The following CCNA1 variants were observed in gnomAD, a reference collection of about 807,000 sequenced individuals.
CCNA1 encodes the protein cyclin-A1.
Under a neutral mutation model 54.1 loss-of-function variants are expected in CCNA1, and 23 were observed. The ratio of observed to expected loss-of-function variants is 0.42; its 90% CI spans 0.31 to 0.60. The LOEUF (loss-of-function observed/expected upper bound fraction) is 0.60. Ranked by LOEUF, CCNA1 falls within the 20% of genes least tolerant of loss-of-function variation. CCNA1 has a pLI of 0.14. For missense variants in CCNA1, 450 were observed against 556.7 expected (o/e 0.81, Z 1.93); for synonymous variants, 208 against 213.9 (o/e 0.97, Z 0.24).
Position 36,440,100 on chromosome 13 carries a change from C to G in CCNA1, c.1015C>G (p.Leu339Val). The G allele has an allele frequency of 6.2e-7, 1 of 1,614,052 alleles. No homozygotes were observed. The highest frequency in any genetic ancestry group is 8.5e-7 in the Non-Finnish European group (1 of 1,179,938). Residue 339 changes from leucine (L) to valine (V), a missense_variant, in exon 6 of 9, where the codon CTG (leucine) becomes GTG (valine). Leu to Val is a conservative substitution (Grantham distance 32). Around this residue, in one of 6 missense-constraint regions of CCNA1, gnomAD observed 150 missense variants for 219.7 expected, o/e 0.68. Transcript: ENST00000255465. The stretch of plus-strand genomic sequence containing the variant: ...GCTTCTGAAAGTTCTAGCTTTTGAT[C>G]TGACAGTACCAACCACCAACCAGTT...
At chr13:36,432,760 G>T (rs1202821405) in intron 1 of CCNA1, 31 bp downstream of exon 1, 1 of 1,394,216 alleles carries the variant, frequency 7.2e-7, no homozygotes, top group Non-Finnish European at 1.0e-6. Context: ...CGACTTGGAG[G>T]CTTGTCAGAA....
At chr13:36,434,476 A>G (rs1414214725) in intron 2 of CCNA1, among the ~76,000 whole-genome samples, 1 of 152,090 alleles carries the variant, frequency 6.6e-6, no homozygotes, top group Non-Finnish European at 1.5e-5. Context: ...TTGCTTTTTA[A>G]AACTTAACGC....
In CCNA1 at chr13:36,437,631, G is replaced by A; in HGVS notation, c.300G>A (p.Gly100=). 6.2e-7 allele frequency: 1 copy of A among 1,613,588 alleles called. No individual in the cohort carries two copies. The highest frequency in any genetic ancestry group is 8.5e-7 in the Non-Finnish European group (1 of 1,179,842). The change falls in exon 3 of 9, where the codon GGG becomes GGA. Residue 100 remains glycine (G), a splice_region_variant and synonymous_variant. Transcript: ENST00000255465. ...CAAAAGATTTAAACGTTTTTTAGGG[G>A]ATCACAAGAATCAGGTGTTATTCTG...
chr13:36,433,423 TTTCTTTCTTTCTTTCTTTCG>T lies in CCNA1; in HGVS notation c.297+221_297+240del, dbSNP rs1159375217. 2.0e-3 allele frequency among the ~76,000 whole-genome samples: 242 copies of T among 121,292 alleles called. 8 individuals are homozygous for T. Among genetic ancestry groups the T allele is most frequent in the South Asian group, 5.3e-3 (21 of 3,970 alleles). The allele number at this position is 121,292 out of a possible 152,430, so 79.6% of individuals were successfully genotyped here. On this transcript the variant is annotated intron_variant, in intron 2 of 8. Transcript: ENST00000255465. ...CTTTCTTTCTTTCTTTCTTTCTTTC[TTTCTTTCTTTCTTTCTTTCG>T]TTCTTTCTTTCTTTCTTTTCTTTCT...
rs1442697911 is a variant in CCNA1, at chr13:36,436,581, T to G, written c.298-1048T>G. Among the ~76,000 whole-genome samples, 5 of 152,294 alleles carry G rather than the reference T, an allele frequency of 3.3e-5. No homozygotes were observed. In the East Asian group the frequency reaches 9.6e-4, roughly 29 times the overall value. The stretch of plus-strand genomic sequence containing the variant: ...GTATCTATGTAGCAAGAGTCAAACC[T>G]GGCAGTAACTTGGAGCTGTGGTTGT... On this transcript the variant is annotated intron_variant, in intron 2 of 8. Coordinates refer to ENST00000255465, the MANE Select transcript of CCNA1 (RefSeq NM_003914.4).
intron 2 of CCNA1, among the ~76,000 whole-genome samples, chr13:36,436,707 A>G (rs2055809706): frequency 6.6e-6 from 1 of 152,304 alleles, no homozygotes; most frequent in South Asian, 2.1e-4. Flanking sequence ...TACTACCATA[A>G]GTGTTCGTTT....
intron 6 of CCNA1, 72 bp downstream of exon 6, chr13:36,440,255 C>T: frequency 7.8e-7 from 1 of 1,283,250 alleles, no homozygotes; most frequent in East Asian, 2.3e-5. Flanking sequence ...CCCAATCATC[C>T]TTCAGTTCTT....
chr13:36,437,483 T>C, intron 2 of CCNA1, 146 bp from the exon 3 acceptor site: 1 of 797,594 alleles, frequency 1.3e-6, no homozygotes, highest in Non-Finnish European at 2.0e-6. Context: ...TGAAGACCTT[T>C]TTTTTTTGGA....
At chr13:36,432,933 C>T (rs2055733835) in intron 1 of CCNA1, 100 bp from the exon 2 acceptor site, 1 of 1,146,374 alleles carries the variant, frequency 8.7e-7, no homozygotes, top group South Asian at 1.4e-5. Flanking sequence ...GTGTTAGTCC[C>T]ATTGCTTGGT....
At chr13:36,437,595 G>A (rs776981469) in intron 2 of CCNA1, 34 bp from the exon 3 acceptor site, 75 of 1,605,346 alleles carry the variant, frequency 4.7e-5, no homozygotes, top group Admixed American at 3.7e-4. Flanking sequence ...GGTCTTTGAC[G>A]TGGCCTCTAA....
At chr13:36,438,612 A>G (rs1359797087) in intron 4 of CCNA1, 32 bp from the exon 5 acceptor site, 7 of 1,488,342 alleles carry the variant, frequency 4.7e-6, no homozygotes, top group Admixed American at 1.7e-5. Flanking sequence ...TGAAATTGCA[A>G]CTACTAAATA....
rs143100244 is a variant in CCNA1, at chr13:36,437,783, C to T, written c.452C>T (p.Ser151Leu). ...GAGCAGGGGGACAGAGACAGCTGCT[C>T]GGTCAGAGAGGGGATGGCATTTGAG... The change falls in exon 3 of 9, where the codon TCG becomes TTG. Residue 151 changes from serine (S) to leucine (L), a missense_variant. Physicochemically the swap from Ser to Leu is moderately radical, Grantham distance 145. Around this residue, in one of 6 missense-constraint regions of CCNA1, gnomAD observed 103 missense variants for 92.9 expected, o/e 1.11. Transcript: ENST00000255465. The T allele has an allele frequency of 3.7e-5, 60 of 1,614,014 alleles. No individual in the cohort carries two copies. Among genetic ancestry groups the T allele is most frequent in the Middle Eastern group, 1.6e-4 (1 of 6,084 alleles).
chr13:36,437,387 C>T (rs532071043), intron 2 of CCNA1, among the ~76,000 whole-genome samples: 1 of 152,040 alleles, frequency 6.6e-6, no homozygotes, highest in South Asian at 2.1e-4. Context: ...TCCTTTGATA[C>T]ATATGTGAGG....
At chr13:36,434,824 G>GT (rs2055780220) in intron 2 of CCNA1, among the ~76,000 whole-genome samples, 1 of 111,612 alleles carries the variant, frequency 9.0e-6, no homozygotes, top group Non-Finnish European at 2.0e-5. Flanking sequence ...GTCATGAGAG[G>GT]TGCCCCCCCC....
chr13:36,433,458 C>G (rs146768374), intron 2 of CCNA1, among the ~76,000 whole-genome samples: 1 of 77,128 alleles, frequency 1.3e-5, no homozygotes, highest in Non-Finnish European at 3.2e-5. Context: ...TTCTTTCTTT[C>G]TTTTCTTTCT....
chr13:36,432,116 C>G (rs976712596), upstream of CCNA1: 6 of 153,548 alleles, frequency 3.9e-5, no homozygotes, highest in African/African-American at 1.4e-4. Context: ...GTTGGGCCCT[C>G]AGGGGCCTGA....
At position 36,432,560 on chromosome 13, in the gene CCNA1, G is replaced by A; in HGVS notation, c.-62G>A. The A allele has an allele frequency of 9.3e-7, 1 of 1,070,324 alleles. No homozygotes were observed. The highest frequency in any genetic ancestry group is 1.4e-6 in the Non-Finnish European group (1 of 738,964). The allele number at this position is 1,070,324 out of a possible 1,614,324, so 66.3% of individuals were successfully genotyped here. A position where few individuals can be genotyped will look rare whatever the true frequency, so the allele number is the denominator to read the frequency against. On this transcript the variant is annotated 5_prime_UTR_variant, in exon 1 of 9. Coordinates refer to ENST00000255465, the MANE Select transcript of CCNA1 (RefSeq NM_003914.4). ...GGGGCCCGCTTTGGGGTCCAGGCAG[G>A]TTTTGGGGCCTCCTGTCTGGTGGGA...
Position 36,437,693 on chromosome 13 carries a change from C to T in CCNA1, c.362C>T (p.Ala121Val). The T allele has an allele frequency of 6.2e-7, 1 of 1,613,964 alleles. No individual in the cohort carries two copies. The highest frequency in any genetic ancestry group is 1.3e-5 in the African/African-American group (1 of 75,036). ...GCCTTCCCTCCAGCTGGAAAGAAAGCACTCCCTGACTGTGGGGTCCAAGAG... is the reference window on the plus strand; with the variant it reads ...GCCTTCCCTCCAGCTGGAAAGAAAGTACTCCCTGACTGTGGGGTCCAAGAG... The change falls in exon 3 of 9, where the codon GCA (alanine) becomes GTA (valine). Residue 121 changes from alanine (A) to valine (V), a missense_variant. Transcript: ENST00000255465.
chr13:36,433,177 G>A lies in CCNA1; in HGVS notation c.253G>A (p.Gly85Arg). The A allele has an allele frequency of 6.2e-7, 1 of 1,614,080 alleles. No individual in the cohort carries two copies. The highest frequency in any genetic ancestry group is 1.3e-5 in the African/African-American group (1 of 75,066). ...GGATCCCCCGCAGAGGACAGTGCTAGGGCTGCTAACTGCAAATGGGCAGTA... is the reference window on the plus strand; with the variant it reads ...GGATCCCCCGCAGAGGACAGTGCTAAGGCTGCTAACTGCAAATGGGCAGTA... Residue 85 changes from glycine (G) to arginine (R), a missense_variant, in exon 2 of 9, where the codon GGG (glycine) becomes AGG (arginine). Physicochemically the swap from Gly to Arg is moderately radical, Grantham distance 125. Transcript: ENST00000255465.
Sources: gnomAD v4.1 joint callset for allele counts (sites outside exome capture counted in the v4.1 genomes callset) on GRCh38, gnomAD v4.1.1 for gene constraint, gnomAD v4.1.1 regional missense constraint, MANE v1.5 for transcripts, NCBI Gene and HGNC (gene_info 2026-07-23, HGNC 2026-07-21) for gene names.